The following PTPRN2 variants were observed in gnomAD, a reference collection of about 807,000 sequenced individuals.
PTPRN2 encodes the protein receptor-type tyrosine-protein phosphatase N2.
PTPRN2 carries 74 observed loss-of-function variants against 118.8 expected under a neutral mutation model. That is an observed-to-expected ratio of 0.62 (90% CI 0.52 to 0.76). The LOEUF (loss-of-function observed/expected upper bound fraction) is 0.76, where lower values mean the gene tolerates loss of function less well. Ranked by LOEUF, PTPRN2 falls within the 30% of genes least tolerant of loss-of-function variation. The pLI, the probability that PTPRN2 is intolerant of heterozygous loss-of-function variation, is 0.00. For missense variants in PTPRN2, 1,481 were observed against 1,394.4 expected, an observed-to-expected ratio of 1.06 and a Z score of -0.99; for synonymous variants, 641 against 608.0, an observed-to-expected ratio of 1.05 and a Z score of -0.80.
At chr7:158,277,672 C>T (rs1375880768) in intron 3 of PTPRN2, among the ~76,000 whole-genome samples, 1 of 152,194 alleles carries the variant, frequency 6.6e-6, no homozygotes, top group African/African-American at 2.4e-5. Flanking sequence ...TCTGGCCTTG[C>T]CTCCAAGTCT....
chr7:157,825,571 G>A (rs138264007), intron 12 of PTPRN2, among the ~76,000 whole-genome samples: 10 of 152,296 alleles, frequency 6.6e-5, no homozygotes, highest in African/African-American at 9.6e-5. Context: ...AAAATGCCAC[G>A]TCAGTGTATG....
At position 158,460,674 on chromosome 7, in the gene PTPRN2, A is replaced by C. The variant is rs181119027; in HGVS notation, c.163+29061T>G. 3.0e-3 allele frequency among the ~76,000 whole-genome samples: 461 copies of C among 152,380 alleles called. 2 individuals are homozygous for C. Among genetic ancestry groups the C allele is most frequent in the African/African-American group, 0.01 (422 of 41,594 alleles). On this transcript the variant is annotated intron_variant, in intron 2 of 22. Transcript: ENST00000389418. ...ATGAAAACTCACAGTCACCAAGCAT[A>C]CGCAGTGCCATCTGATGAGAATTCA...
At position 158,145,667 on chromosome 7, in the gene PTPRN2, C is replaced by T. The variant is rs563518340; in HGVS notation, c.911-7152G>A. Reference sequence around the variant, plus strand: ...ACTGAACCAACAGGGGCTCCCCTGCCGTGGCTGCAGCTGCCTGCACACTTT... The same window carrying T: ...ACTGAACCAACAGGGGCTCCCCTGCTGTGGCTGCAGCTGCCTGCACACTTT... On this transcript the variant is annotated intron_variant, in intron 6 of 22. Transcript: ENST00000389418. Among the ~76,000 whole-genome samples the T allele has an allele frequency of 3.9e-5, 6 of 152,352 alleles. No individual in the cohort carries two copies. In the South Asian group the frequency reaches 6.2e-4, roughly 16 times the overall value.
At position 157,615,626 on chromosome 7, in the gene PTPRN2, G is replaced by A. The variant is rs1412544645; in HGVS notation, c.2344+5736C>T. 6.4e-6 allele frequency: 3 copies of A among 470,284 alleles called. No homozygotes were observed. The Admixed American group carries it at 7.0e-5, about 11-fold the overall frequency. 29.1% of individuals were successfully genotyped at this position (470,284 alleles called of 1,614,324 possible). A position where few individuals can be genotyped will look rare whatever the true frequency, so the allele number is the denominator to read the frequency against. ...ACGGGGGAGGATTGGCTCAGCACTG[G>A]TCCTGCGGAATGTGTTTTTATCAAT... is the stretch of plus-strand genomic sequence containing the variant. On this transcript the variant is annotated intron_variant, in intron 15 of 22. Coordinates refer to ENST00000389418, the MANE Select transcript of PTPRN2 (RefSeq NM_002847.5). This position sits in a 1 kb window ranked among gnomAD's most constrained non-coding sequence, Gnocchi z 4.3.
At chr7:158,572,685 T>C (rs1828111845) in intron 1 of PTPRN2, among the ~76,000 whole-genome samples, 1 of 152,242 alleles carries the variant, frequency 6.6e-6, no homozygotes, top group Non-Finnish European at 1.5e-5. Flanking sequence ...CATTATTTCA[T>C]ACATTTTGTC....
chr7:158,488,845 C>T (rs1821224431), intron 2 of PTPRN2, among the ~76,000 whole-genome samples: 2 of 152,270 alleles, frequency 1.3e-5, no homozygotes. Flanking sequence ...CGGGCCCACA[C>T]GCAGCCCCTG....
chr7:158,386,456 C>G (rs954188119), intron 2 of PTPRN2, among the ~76,000 whole-genome samples: 1 of 152,122 alleles, frequency 6.6e-6, no homozygotes, highest in Non-Finnish European at 1.5e-5. Context: ...GGTGCAGGAG[C>G]TGCCTCCGTT....
chr7:158,113,639 G>A (rs904336553), intron 9 of PTPRN2, among the ~76,000 whole-genome samples: 1 of 152,190 alleles, frequency 6.6e-6, no homozygotes, highest in Non-Finnish European at 1.5e-5. Flanking sequence ...TCTAGCCTCA[G>A]AGCGCAGCTG....
At chr7:158,372,197 C>G (rs1354771010) in intron 2 of PTPRN2, among the ~76,000 whole-genome samples, 3 of 148,190 alleles carry the variant, frequency 2.0e-5, no homozygotes, top group African/African-American at 7.7e-5. Flanking sequence ...GGACCCCCAA[C>G]GCTGGTCCCC....
chr7:157,674,468 A>G lies in PTPRN2; in HGVS notation c.2001+8257T>C, dbSNP rs1248470801. 6.6e-6 allele frequency among the ~76,000 whole-genome samples: 1 copy of G among 152,206 alleles called. No individual in the cohort carries two copies. Among genetic ancestry groups the G allele is most frequent in the Non-Finnish European group, 1.5e-5 (1 of 68,036 alleles). ...GAAGCTTTCTCCTCTTGTAACACCC[A>G]GCTCCTGCATGCCGTGGCGGCTCCA... On this transcript the variant is annotated intron_variant, in intron 13 of 22. Transcript: ENST00000389418. The surrounding 1 kb of genome is among the most constrained non-coding windows in gnomAD (Gnocchi z 4.5).
At position 158,478,120 on chromosome 7, in the gene PTPRN2, C is replaced by T. The variant is rs550607595; in HGVS notation, c.163+11615G>A. Among the ~76,000 whole-genome samples the T allele has an allele frequency of 7.2e-5, 11 of 152,326 alleles. No homozygotes were observed. The South Asian group carries it at 8.3e-4, about 11-fold the overall frequency. Reference sequence around the variant, plus strand: ...ACCACGGAGCGTGGGACAGGCACGGCGGCAAAGAGAGTGGGCTGAGTGGGT... The same window carrying T: ...ACCACGGAGCGTGGGACAGGCACGGTGGCAAAGAGAGTGGGCTGAGTGGGT... On this transcript the variant is annotated intron_variant, in intron 2 of 22. Transcript: ENST00000389418.
At chr7:157,725,454 A>ACAGAGGAG (rs1799510435) in intron 12 of PTPRN2, among the ~76,000 whole-genome samples, 1 of 92,844 alleles carries the variant, frequency 1.1e-5, no homozygotes, top group African/African-American at 5.1e-5. Flanking sequence ...GGATATCCAC[A>ACAGAGGAG]TGCAGAGGAG....
chr7:158,175,662 C>T (rs550489897), intron 5 of PTPRN2, among the ~76,000 whole-genome samples: 5 of 152,254 alleles, frequency 3.3e-5, no homozygotes, highest in Non-Finnish European at 5.9e-5. Flanking sequence ...CGAGCGTATA[C>T]GGTGCTATCT....
At chr7:158,259,901 G>A (rs958179099) in intron 3 of PTPRN2, among the ~76,000 whole-genome samples, 1 of 143,116 alleles carries the variant, frequency 7.0e-6, no homozygotes. Context: ...GTGTCCATGA[G>A]TACACATATG....
At chr7:158,262,412 A>G (rs1797488832) in intron 3 of PTPRN2, among the ~76,000 whole-genome samples, 1 of 148,842 alleles carries the variant, frequency 6.7e-6, no homozygotes, top group Non-Finnish European at 1.5e-5. Flanking sequence ...ACACACATAC[A>G]TACATTCACA....
chr7:157,643,110 C>T (rs1001661108), intron 14 of PTPRN2, among the ~76,000 whole-genome samples: 4 of 152,290 alleles, frequency 2.6e-5, no homozygotes, highest in Middle Eastern at 3.4e-3. Context: ...TTTCAACTTA[C>T]GATGGGTTTG....
rs542497481 is a variant in PTPRN2, at chr7:158,492,459, G to C, written c.113-2674C>G. ...TTAATCGTGGCTGACAGTTAGATGT[G>C]ATCTGAATGAGATGTGCATCAAATG... is the stretch of plus-strand genomic sequence containing the variant. On this transcript the variant is annotated intron_variant, in intron 1 of 22. Coordinates refer to ENST00000389418, the MANE Select transcript of PTPRN2 (RefSeq NM_002847.5). 5.9e-5 allele frequency among the ~76,000 whole-genome samples: 9 copies of C among 152,316 alleles called. No homozygotes were observed. In the East Asian group the frequency reaches 1.4e-3, roughly 23 times the overall value.
chr7:158,079,629 CA>C (rs573727305), intron 11 of PTPRN2, among the ~76,000 whole-genome samples: 173 of 152,312 alleles, frequency 1.1e-3, no homozygotes, highest in African/African-American at 4.0e-3. Context: ...GGATAATTAT[CA>C]ATGCATTTCT....
intron 12 of PTPRN2, among the ~76,000 whole-genome samples, chr7:157,726,224 ACGCAGAGGAG>A: frequency 7.3e-6 from 1 of 137,746 alleles, no homozygotes; most frequent in African/African-American, 2.8e-5. Context: ...GGATATCCAC[ACGCAGAGGAG>A]TGTGGCCAGA....
Sources: allele counts gnomAD v4.1 joint callset (sites outside exome capture counted in the v4.1 genomes callset), GRCh38; gene constraint gnomAD v4.1.1; non-coding constraint Gnocchi (gnomAD v3.1); transcripts MANE v1.5; gene names NCBI Gene and HGNC (gene_info 2026-07-23, HGNC 2026-07-21).